The following PLCXD1 variants were observed in gnomAD, a reference collection of about 807,000 sequenced individuals.
PLCXD1 encodes the protein phosphatidylinositol specific phospholipase C X domain containing 1.
Under a neutral mutation model 37.8 loss-of-function variants are expected in PLCXD1, and 45 were observed. The observed-to-expected ratio is 1.19, with a 90% CI of 0.94 to 1.53. The LOEUF is 1.53. Among genes scored for constraint, PLCXD1 ranks in the 40% most tolerant of loss-of-function variants. PLCXD1 has a pLI of 0.00. For missense variants in PLCXD1, 539 were observed against 454.7 expected, an observed-to-expected ratio of 1.19 and a Z score of -1.69; for synonymous variants, 246 against 206.9, an observed-to-expected ratio of 1.19 and a Z score of -1.62.
intron 6 of PLCXD1, 44 bp downstream of exon 6, chrX:293,262 C>A: frequency 1.3e-6 from 2 of 1,493,936 alleles, no homozygotes; most frequent in Admixed American, 1.8e-5. Flanking sequence ...CACAGCCTCC[C>A]GTGACGCCCT....
intron 2 of PLCXD1, among the ~76,000 whole-genome samples, chrX:288,322 G>A (rs775496973): frequency 2.7e-5 from 4 of 150,620 alleles, no homozygotes; most frequent in Admixed American, 6.7e-5. Flanking sequence ...GCTCTAGAGT[G>A]GGGGATCCTT....
chrX:287,872 A>G (rs763942801), intron 2 of PLCXD1, among the ~76,000 whole-genome samples: 3 of 152,178 alleles, frequency 2.0e-5, no homozygotes, highest in East Asian at 1.9e-4. Context: ...TGCGGTTACC[A>G]TAACAAGTGA....
chrX:283,523 A>AGTGGGGGCGGCCAGGGTGTCAGGCCCGG (rs1557375328), intron 1 of PLCXD1: 1 of 93,808 alleles, frequency 1.1e-5, no homozygotes, highest in Non-Finnish European at 2.3e-5. Context: ...GCCTGAGGGT[A>AGTGGGGGCGGCCAGGGTGTCAGGCCCGG]GTGGGGGCGG....
rs199616849 is a variant in PLCXD1 at position 290,821 on chromosome X, G to A, written c.393+45G>A. The stretch of plus-strand genomic sequence containing the variant: ...GGACGCAATGGGGAGAGTGGGAGGC[G>A]GCCGGGCACTGGTGCAGGTGCGGCC... On this transcript the variant is annotated intron_variant, in intron 4 of 6. Coordinates refer to ENST00000381657, the MANE Select transcript of PLCXD1 (RefSeq NM_018390.4). 4.0e-5 allele frequency: 63 copies of A among 1,582,230 alleles called. 1 individual carries two copies. Among genetic ancestry groups the A allele is most frequent in the East Asian group, 1.1e-4 (5 of 43,618 alleles).
chrX:277,067 G>A (rs1414524381), upstream of PLCXD1, among the ~76,000 whole-genome samples: 8 of 152,186 alleles, frequency 5.3e-5, no homozygotes, highest in African/African-American at 9.6e-5. Context: ...TCAGTGCTCC[G>A]TGGGACGGCC....
intron 1 of PLCXD1, among the ~76,000 whole-genome samples, chrX:282,709 A>C (rs763316614): frequency 1.3e-5 from 2 of 150,722 alleles, no homozygotes; most frequent in Admixed American, 6.6e-5. Context: ...GTGTCAAAAA[A>C]AAAAAAAAAA....
At chrX:294,272 G>A (rs1382035150) in intron 6 of PLCXD1, among the ~76,000 whole-genome samples, 2 of 152,048 alleles carry the variant, frequency 1.3e-5, no homozygotes, top group Non-Finnish European at 2.9e-5. Context: ...CATGAGGTCA[G>A]GAGATCGAGA....
chrX:283,388 C>G (rs1602839331), intron 1 of PLCXD1: 1 of 152,102 alleles, frequency 6.6e-6, no homozygotes, highest in Admixed American at 6.6e-5. Flanking sequence ...GGAGGCGTGA[C>G]TCATTTGCAT....
upstream of PLCXD1, among the ~76,000 whole-genome samples, chrX:278,998 C>T (rs768908292): frequency 9.9e-5 from 15 of 152,122 alleles, no homozygotes; most frequent in African/African-American, 2.7e-4. Flanking sequence ...GGGCTGAGTC[C>T]GAAGAGAGAG....
At chrX:289,594 C>G (rs2069564320) in intron 3 of PLCXD1, among the ~76,000 whole-genome samples, 1 of 148,598 alleles carries the variant, frequency 6.7e-6, no homozygotes, top group South Asian at 2.1e-4. Flanking sequence ...TCACTGCAAG[C>G]TCCGCCTCCC....
intron 5 of PLCXD1, 122 bp downstream of exon 5, chrX:291,776 G>A (rs1197827932): frequency 1.1e-5 from 12 of 1,094,210 alleles, no homozygotes; most frequent in African/African-American, 6.1e-5. Flanking sequence ...TGAAGCCGTC[G>A]AACGGGGGCT....
intron 2 of PLCXD1, among the ~76,000 whole-genome samples, chrX:287,220 C>T (rs1427858072): frequency 1.1e-4 from 16 of 144,268 alleles, no homozygotes; most frequent in Admixed American, 3.5e-4. Flanking sequence ...TATAAACATA[C>T]ATATTTATAT....
At chrX:276,758 G>A (rs1379608880), upstream of PLCXD1, among the ~76,000 whole-genome samples, 17 of 152,228 alleles carry the variant, frequency 1.1e-4, no homozygotes, top group African/African-American at 3.6e-4. Context: ...CGGGGCCTGC[G>A]TGGGGACGGG....
chrX:291,389 A>G, intron 4 of PLCXD1, 110 bp from the exon 5 acceptor site: 1 of 1,208,720 alleles, frequency 8.3e-7, no homozygotes, highest in South Asian at 1.3e-5. Flanking sequence ...CAGGTGATCC[A>G]CCCGCCTCGG....
chrX:282,562 AGGTGTGGT>A (rs2069303433), intron 1 of PLCXD1, among the ~76,000 whole-genome samples: 1 of 111,848 alleles, frequency 8.9e-6, no homozygotes. Flanking sequence ...AAAATTAAGC[AGGTGTGGT>A]GGCGGGCGCC....
At chrX:279,499 C>T (rs763799618), upstream of PLCXD1, among the ~76,000 whole-genome samples, 1 of 152,276 alleles carries the variant, frequency 6.6e-6, no homozygotes, top group African/African-American at 2.4e-5. Context: ...AGGCCGGGCA[C>T]GGTGGCTCAC....
At chrX:294,727 C>T (rs1196397092) in intron 6 of PLCXD1, among the ~76,000 whole-genome samples, 1 of 151,910 alleles carries the variant, frequency 6.6e-6, no homozygotes, top group African/African-American at 2.4e-5. Context: ...TCACTTGAAC[C>T]AGGAAGGCGG....
At chrX:277,002 G>A (rs770131868), upstream of PLCXD1, among the ~76,000 whole-genome samples, 5 of 152,270 alleles carry the variant, frequency 3.3e-5, no homozygotes, top group African/African-American at 1.2e-4. Context: ...CGTCATCTGC[G>A]CTGTCCCGCC....
At chrX:291,938 C>A (rs1002753536) in intron 5 of PLCXD1, among the ~76,000 whole-genome samples, 1 of 151,964 alleles carries the variant, frequency 6.6e-6, no homozygotes, top group African/African-American at 2.4e-5. Flanking sequence ...GAGGCCGAGG[C>A]GGGTGGATCA....
Sources: gnomAD v4.1 joint callset for allele counts (sites outside exome capture counted in the v4.1 genomes callset) on GRCh38, gnomAD v4.1.1 for gene constraint, MANE v1.5 for transcripts, NCBI Gene and HGNC (gene_info 2026-07-23, HGNC 2026-07-21) for gene names.